Variants in KIAA1217 observed in about 807,000 individuals in gnomAD.
The protein encoded by KIAA1217 is sickle tail protein homolog.
KIAA1217 carries 88 observed loss-of-function variants against 163.9 expected under a neutral mutation model. The ratio of observed to expected loss-of-function variants is 0.54; its 90% CI spans 0.45 to 0.64. The LOEUF (loss-of-function observed/expected upper bound fraction) is 0.64, where lower values mean the gene tolerates loss of function less well. Among genes scored for constraint, KIAA1217 ranks in the 30% least tolerant of loss-of-function variants. The pLI, the probability that KIAA1217 is intolerant of heterozygous loss-of-function variation, is 0.00. For missense variants in KIAA1217, 2,372 were observed against 2,475.0 expected (o/e 0.96, Z 0.88); for synonymous variants, 903 against 923.1 (o/e 0.98, Z 0.39).
intron 1 of KIAA1217, among the ~76,000 whole-genome samples, chr10:23,888,414 C>T (rs1253826290): frequency 6.6e-5 from 10 of 151,932 alleles, no homozygotes; most frequent in Non-Finnish European, 1.2e-4. Context: ...GTGAGATAGA[C>T]TACTCCTGAA....
At chr10:24,010,391 C>G (rs1847188403) in intron 2 of KIAA1217, among the ~76,000 whole-genome samples, 1 of 152,052 alleles carries the variant, frequency 6.6e-6, no homozygotes, top group Non-Finnish European at 1.5e-5. Flanking sequence ...CTCAGTGATA[C>G]TACCTTTGTT....
chr10:23,706,231 C>T (rs1469930853), intron 1 of KIAA1217, among the ~76,000 whole-genome samples: 2 of 152,066 alleles, frequency 1.3e-5, no homozygotes, highest in African/African-American at 4.8e-5. Context: ...TCTTTCTAAT[C>T]TAGATGTGTT....
intron 1 of KIAA1217, among the ~76,000 whole-genome samples, chr10:23,918,012 CCCA>C (rs560540309): frequency 3.9e-4 from 59 of 151,168 alleles, no homozygotes; most frequent in Admixed American, 8.5e-4. Flanking sequence ...CATTTTTTAT[CCCA>C]CAATTTTTTT....
At chr10:24,087,170 A>T (rs2061726696) in intron 2 of KIAA1217, among the ~76,000 whole-genome samples, 1 of 152,232 alleles carries the variant, frequency 6.6e-6, no homozygotes, top group Non-Finnish European at 1.5e-5. Flanking sequence ...ACTCAGAAAA[A>T]AATTTAAGAC....
At chr10:23,760,156 A>G (rs1834177745) in intron 1 of KIAA1217, among the ~76,000 whole-genome samples, 1 of 152,230 alleles carries the variant, frequency 6.6e-6, no homozygotes, top group South Asian at 2.1e-4. Flanking sequence ...AATCAAATCA[A>G]AAGTGTGAAG....
intron 5 of KIAA1217, among the ~76,000 whole-genome samples, chr10:24,463,038 A>T (rs529415797): frequency 6.6e-6 from 1 of 152,326 alleles, no homozygotes; most frequent in South Asian, 2.1e-4. Flanking sequence ...CATCTGTTGC[A>T]AGTGGCATAA....
At chr10:24,098,698 C>T (rs2062260948) in intron 2 of KIAA1217, among the ~76,000 whole-genome samples, 1 of 149,126 alleles carries the variant, frequency 6.7e-6, no homozygotes, top group Middle Eastern at 3.2e-3. Context: ...AGAGAGCAGC[C>T]TGTAACCCTC....
At chr10:23,755,019 G>T (rs768037141) in intron 1 of KIAA1217, among the ~76,000 whole-genome samples, 4 of 151,494 alleles carry the variant, frequency 2.6e-5, no homozygotes, top group African/African-American at 4.8e-5. Flanking sequence ...AATACAAACC[G>T]AATTTCATCT....
intron 1 of KIAA1217, among the ~76,000 whole-genome samples, chr10:23,958,764 C>G (rs1028216519): frequency 1.3e-5 from 2 of 151,992 alleles, no homozygotes; most frequent in African/African-American, 4.8e-5. Flanking sequence ...TTTACAGGCT[C>G]TCATACCATG....
chr10:23,783,967 T>G (rs1121405), intron 1 of KIAA1217, among the ~76,000 whole-genome samples: 41,863 of 151,652 alleles, frequency 0.28, 6,196 homozygotes, highest in African/African-American at 0.38. Flanking sequence ...TAGGCTAAGG[T>G]TTTGTCGATT....
chr10:24,539,021 C>T (rs572578525), intron 17 of KIAA1217, among the ~76,000 whole-genome samples: 14 of 151,982 alleles, frequency 9.2e-5, no homozygotes, highest in East Asian at 3.9e-4. Context: ...CGTGAGCCAC[C>T]GCACCCAGCC....
chr10:23,915,367 A>G (rs1464692847), intron 1 of KIAA1217, among the ~76,000 whole-genome samples: 1 of 152,066 alleles, frequency 6.6e-6, no homozygotes, highest in Non-Finnish European at 1.5e-5. Context: ...GGGGGAGGGA[A>G]GTCGTGGATG....
At chr10:24,425,317 G>A (rs535985284) in intron 3 of KIAA1217, among the ~76,000 whole-genome samples, 1 of 152,118 alleles carries the variant, frequency 6.6e-6, no homozygotes, top group South Asian at 2.1e-4. Context: ...GACTTAACTT[G>A]AACCTAACGA....
At chr10:24,213,149 G>A (rs932645528) in intron 1 of KIAA1217, among the ~76,000 whole-genome samples, 1 of 152,204 alleles carries the variant, frequency 6.6e-6, no homozygotes, top group African/African-American at 2.4e-5. Flanking sequence ...CCGGCTACCA[G>A]GTAAATAACA....
At chr10:23,694,881 A>T (rs1455549124) in exon 1 of KIAA1217, 1 of 152,600 alleles carries the variant, frequency 6.6e-6, no homozygotes, top group Non-Finnish European at 1.5e-5. Context: ...CTCCAGGTGA[A>T]TTGAAAGTCG....
intron 2 of KIAA1217, among the ~76,000 whole-genome samples, chr10:24,220,900 A>G (rs1481911511): frequency 6.6e-6 from 1 of 151,812 alleles, no homozygotes; most frequent in Non-Finnish European, 1.5e-5. Context: ...CTAGGACTAC[A>G]GACATGCAGC....
Position 24,126,193 on chromosome 10 carries a change from C to T in KIAA1217, c.-170-93433C>T, listed in dbSNP as rs75304258. On this transcript the variant is annotated intron_variant, in intron 2 of 18. Transcript: ENST00000376462. ...TTTGTTTGTTTTATGCTCTCTGTTT[C>T]TTAACTTTATGCCTATCCTCTTATA... Among the ~76,000 whole-genome samples, 95 of 152,140 alleles carry T rather than the reference C, an allele frequency of 6.2e-4. 3 individuals carry two copies. In the East Asian group the frequency reaches 0.012, roughly 19 times the overall value.
At chr10:24,036,650 T>C (rs1254637021) in intron 2 of KIAA1217, among the ~76,000 whole-genome samples, 1 of 152,130 alleles carries the variant, frequency 6.6e-6, no homozygotes, top group Non-Finnish European at 1.5e-5. Context: ...AGCCAGCAAG[T>C]GACAGGGCAA....
At chr10:23,900,965 G>A (rs997998536) in intron 1 of KIAA1217, among the ~76,000 whole-genome samples, 1 of 151,976 alleles carries the variant, frequency 6.6e-6, no homozygotes, top group Admixed American at 6.6e-5. Flanking sequence ...TATAGTAGGT[G>A]CTCAAATTAT....
Sources: gnomAD v4.1 joint callset for allele counts (sites outside exome capture counted in the v4.1 genomes callset) on GRCh38, gnomAD v4.1.1 for gene constraint, MANE v1.5 for transcripts, NCBI Gene and HGNC (gene_info 2026-07-23, HGNC 2026-07-21) for gene names.